The following ULK2 variants were observed in gnomAD, a reference collection of about 807,000 sequenced individuals.
ULK2 encodes unc-51 like autophagy activating kinase 2.
ULK2 carries 76 observed loss-of-function variants against 127.5 expected under a neutral mutation model. The observed-to-expected ratio is 0.60, with a 90% CI of 0.50 to 0.72. ULK2 has a LOEUF of 0.72. Ranked by LOEUF, ULK2 falls within the 30% of genes least tolerant of loss-of-function variation. The pLI is 0.00. For synonymous variants in ULK2, 452 were observed against 461.9 expected, an observed-to-expected ratio of 0.98 and a Z score of 0.28; for missense variants, 1,144 against 1,295.9, an observed-to-expected ratio of 0.88 and a Z score of 1.80.
chr17:19,844,168 G>T (rs2041828039), intron 7 of ULK2, among the ~76,000 whole-genome samples: 1 of 152,098 alleles, frequency 6.6e-6, no homozygotes, highest in Non-Finnish European at 1.5e-5. Context: ...CTGCTGCTTT[G>T]TTACGGGTAT....
In ULK2 at chr17:19,867,671, T is replaced by G. The variant is rs923225654; in HGVS notation, c.-254A>C. ...CCGGCCTGCCGCCGGCCGCTGGCTGTCTGGCGAAGCGGCCTCGGCGCTGCC... is the reference window on the plus strand; with the variant it reads ...CCGGCCTGCCGCCGGCCGCTGGCTGGCTGGCGAAGCGGCCTCGGCGCTGCC... On this transcript the variant is annotated 5_prime_UTR_variant, in exon 1 of 27. Transcript: ENST00000395544. 1.8e-5 allele frequency: 4 copies of G among 227,392 alleles called. No individual in the cohort carries two copies. The highest frequency in any genetic ancestry group is 1.1e-4 in the Admixed American group (2 of 17,392). 14.1% of individuals were successfully genotyped at this position (227,392 alleles called of 1,614,324 possible).
chr17:19,825,197 A>G lies in ULK2; in HGVS notation c.836-15T>C. 1 of 1,611,736 alleles carries G rather than the reference A, an allele frequency of 6.2e-7. No individual in the cohort carries two copies. Among genetic ancestry groups the G allele is most frequent in the Non-Finnish European group, 8.5e-7 (1 of 1,178,096 alleles). On this transcript the variant is annotated splice_polypyrimidine_tract_variant and intron_variant, in intron 11 of 26. Coordinates refer to ENST00000395544, the MANE Select transcript of ULK2 (RefSeq NM_014683.4). ...AACTGGGCAAGCTAGGGGAAGAAACACAAATGAACTACATCATTTTGTAGT... is the reference window on the plus strand; with the variant it reads ...AACTGGGCAAGCTAGGGGAAGAAACGCAAATGAACTACATCATTTTGTAGT...
At chr17:19,833,150 A>C (rs1292467136) in intron 10 of ULK2, among the ~76,000 whole-genome samples, 2 of 132,860 alleles carry the variant, frequency 1.5e-5, no homozygotes, top group African/African-American at 5.4e-5. Flanking sequence ...AAAAAAAAAA[A>C]CAGAACAACC....
intron 3 of ULK2, among the ~76,000 whole-genome samples, chr17:19,857,163 A>G (rs1422398800): frequency 6.6e-6 from 1 of 151,284 alleles, no homozygotes; most frequent in Non-Finnish European, 1.5e-5. Flanking sequence ...GACATTAGCC[A>G]GGTGTGGTGG....
At position 19,781,946 on chromosome 17, in the gene ULK2, T is replaced by C. The variant is rs768122643; in HGVS notation, c.2582A>G (p.Tyr861Cys). 1.2e-6 allele frequency: 2 copies of C among 1,614,182 alleles called. No homozygotes were observed. The highest frequency in any genetic ancestry group is 1.7e-6 in the Non-Finnish European group (2 of 1,180,036). ...PELCTSAVSL[Y>C]QIQESVVVDQ... ...CACCACCACACTCTCCTGGATCTGG[T>C]ACAAGGACACAGCAGATGTGCACAG... The change falls in exon 23 of 27, where the codon TAC (tyrosine) becomes TGC (cysteine). Residue 861 changes from tyrosine (Y) to cysteine (C), a missense_variant. Around this residue, in one of 2 missense-constraint regions of ULK2, gnomAD observed 913 missense variants for 970.5 expected, o/e 0.94. Transcript: ENST00000395544.
intron 3 of ULK2, among the ~76,000 whole-genome samples, chr17:19,863,496 GTT>G (rs774471418): frequency 1.9e-4 from 25 of 131,840 alleles, no homozygotes; most frequent in Middle Eastern, 3.9e-3. Context: ...TGTGATTCTA[GTT>G]TTTTTTTTTT....
At chr17:19,782,157 T>A in intron 22 of ULK2, 90 bp from the exon 23 acceptor site, 1 of 1,265,430 alleles carries the variant, frequency 7.9e-7, no homozygotes, top group South Asian at 1.5e-5. Flanking sequence ...GCTGATCATG[T>A]TTTCTATACT....
At chr17:19,855,555 G>A (rs1189966774) in intron 3 of ULK2, among the ~76,000 whole-genome samples, 1 of 144,194 alleles carries the variant, frequency 6.9e-6, no homozygotes, top group African/African-American at 2.6e-5. Flanking sequence ...AGCCGAGACT[G>A]TGCCATTGCA....
chr17:19,802,129 T>C (rs895491727), intron 15 of ULK2, among the ~76,000 whole-genome samples: 3 of 152,242 alleles, frequency 2.0e-5, no homozygotes, highest in Non-Finnish European at 4.4e-5. Context: ...ACTTCCCCAA[T>C]TCTGTTCAAA....
chr17:19,783,063 G>A (rs1440268281), intron 22 of ULK2, among the ~76,000 whole-genome samples: 1 of 152,158 alleles, frequency 6.6e-6, no homozygotes, highest in African/African-American at 2.4e-5. Flanking sequence ...ATAAAGATGA[G>A]AATCATTTTC....
chr17:19,814,452 T>G lies in ULK2; in HGVS notation c.1096+2297A>C, dbSNP rs149208127. Among the ~76,000 whole-genome samples the G allele has an allele frequency of 8.0e-3, 81 of 10,136 alleles. 5 individuals are homozygous for G. Among genetic ancestry groups the G allele is most frequent in the South Asian group, 0.047 (24 of 516 alleles). 6.6% of individuals were successfully genotyped at this position (10,136 alleles called of 152,430 possible). A position where few individuals can be genotyped will look rare whatever the true frequency, so the allele number is the denominator to read the frequency against. On this transcript the variant is annotated intron_variant, in intron 13 of 26. Coordinates refer to ENST00000395544, the MANE Select transcript of ULK2 (RefSeq NM_014683.4). Reference sequence around the variant, plus strand: ...TATATATATATATTTTTTTTTTTTTTTTTTTTTTTTTGGAGACAGGGTCTT... The same window carrying G: ...TATATATATATATTTTTTTTTTTTTGTTTTTTTTTTTGGAGACAGGGTCTT...
chr17:19,867,304 G>A (rs769524227), intron 1 of ULK2, 24 bp downstream of exon 1: 3 of 1,539,090 alleles, frequency 1.9e-6, no homozygotes, highest in East Asian at 5.0e-5. Context: ...CCCGGGGCCC[G>A]GCCTCGCCCC....
chr17:19,801,800 CTAGAAG>C lies in ULK2; in HGVS notation c.1412_1417del (p.Ser471_Arg473delinsTrp). The C allele has an allele frequency of 6.2e-7, 1 of 1,614,152 alleles. No individual in the cohort carries two copies. The highest frequency in any genetic ancestry group is 8.5e-7 in the Non-Finnish European group (1 of 1,180,022). ...ACCCAAAGGGGAAGGTGAGTAAGGC[CTAGAAG>C]ACCCAGTGGAGAGCCTTCGTCCAAC... is the stretch of plus-strand genomic sequence containing the variant. On this transcript the variant is annotated inframe_deletion, in exon 16 of 27. Coordinates refer to ENST00000395544, the MANE Select transcript of ULK2 (RefSeq NM_014683.4).
At chr17:19,797,873 T>C (rs2087309274) in intron 17 of ULK2, among the ~76,000 whole-genome samples, 191 bp from the exon 18 acceptor site, 1 of 152,206 alleles carries the variant, frequency 6.6e-6, no homozygotes, top group South Asian at 2.1e-4. Flanking sequence ...CCATTGTTCG[T>C]ATTCTCAGGA....
intron 1 of ULK2, 31 bp from the exon 2 acceptor site, chr17:19,865,859 T>A: frequency 7.5e-7 from 1 of 1,329,610 alleles, no homozygotes; most frequent in South Asian, 1.3e-5. Context: ...TACTCCTAGA[T>A]ACCATTCCAC....
intron 22 of ULK2, 145 bp downstream of exon 22, chr17:19,783,552 A>C: frequency 1.3e-6 from 1 of 760,054 alleles, no homozygotes; most frequent in Non-Finnish European, 1.9e-6. Flanking sequence ...ATTTAAAAAG[A>C]CATCAGCAAT....
chr17:19,854,171 G>A (rs1202044212), intron 3 of ULK2, among the ~76,000 whole-genome samples: 1 of 151,450 alleles, frequency 6.6e-6, no homozygotes, highest in Non-Finnish European at 1.5e-5. Context: ...CCAGCTACTC[G>A]GAAGGCTGAA....
chr17:19,793,644 C>T (rs969659623), intron 20 of ULK2, among the ~76,000 whole-genome samples: 8 of 152,012 alleles, frequency 5.3e-5, no homozygotes, highest in African/African-American at 1.2e-4. Flanking sequence ...CAAAGACAAC[C>T]GGAGAGACAA....
At chr17:19,831,854 G>C (rs183938354) in intron 10 of ULK2, among the ~76,000 whole-genome samples, 625 of 151,196 alleles carry the variant, frequency 4.1e-3, no homozygotes, top group Non-Finnish European at 7.3e-3. Flanking sequence ...GGCCAGGCAT[G>C]GTGGCTCACA....
Sources: allele counts gnomAD v4.1 joint callset (sites outside exome capture counted in the v4.1 genomes callset), GRCh38; gene constraint gnomAD v4.1.1; regional missense constraint gnomAD v4.1.1; transcripts MANE v1.5; gene names NCBI Gene and HGNC (gene_info 2026-07-23, HGNC 2026-07-21).